The following ABCA13 variants were observed in gnomAD, a reference collection of about 807,000 sequenced individuals.
ABCA13 encodes ATP-binding cassette sub-family A member 13.
Under a neutral mutation model 478.7 loss-of-function variants are expected in ABCA13, and 476 were observed. That is an observed-to-expected ratio of 0.99 (90% confidence interval 0.92 to 1.07). ABCA13 has a LOEUF of 1.07. ABCA13 is among the 50% of genes least tolerant of loss of function. ABCA13 has a pLI of 0.00. For synonymous variants in ABCA13, 2,252 were observed against 2,158.9 expected (o/e 1.04, Z -1.20); for missense variants, 6,060 against 5,910.6 (o/e 1.03, Z -0.83).
intron 31 of ABCA13, among the ~76,000 whole-genome samples, chr7:48,357,107 C>CCACA (rs1810052113): frequency 1.3e-5 from 2 of 151,712 alleles, no homozygotes; most frequent in Admixed American, 6.6e-5. Flanking sequence ...TTTGATGTGT[C>CCACA]TTGGGCAAAG....
chr7:48,241,219 G>T (rs1213178651), intron 10 of ABCA13, among the ~76,000 whole-genome samples, 153 bp downstream of exon 10: 4 of 152,202 alleles, frequency 2.6e-5, no homozygotes, highest in Admixed American at 6.5e-5. Context: ...CTTTCATTGT[G>T]GACCATCACC....
intron 1 of ABCA13, among the ~76,000 whole-genome samples, chr7:48,173,266 TTTC>T (rs758146326): frequency 6.6e-6 from 1 of 152,346 alleles, no homozygotes; most frequent in East Asian, 1.9e-4. Flanking sequence ...CACCACAGAT[TTTC>T]TTATTTGCCG....
chr7:48,598,945 C>T (rs1790584855), intron 58 of ABCA13, among the ~76,000 whole-genome samples: 1 of 151,896 alleles, frequency 6.6e-6, no homozygotes, highest in Admixed American at 6.6e-5. Context: ...AAAAGATTAT[C>T]TTTTATCCCA....
rs566847710 is a variant in ABCA13 at position 48,493,306 on chromosome 7, T to C, written c.13291+3962T>C. Among the ~76,000 whole-genome samples the C allele has an allele frequency of 2.0e-5, 3 of 152,324 alleles. No homozygotes were observed. In the East Asian group the frequency reaches 5.8e-4, roughly 29 times the overall value. On this transcript the variant is annotated intron_variant, in intron 48 of 61. Transcript: ENST00000435803. Reference sequence around the variant, plus strand: ...TGATAATTACATTCTAAAATAAAGATAAATATGCAGCAAAATATGTACTTG... The same window carrying C: ...TGATAATTACATTCTAAAATAAAGACAAATATGCAGCAAAATATGTACTTG...
chr7:48,354,771 G>A (rs1395631314), intron 31 of ABCA13, among the ~76,000 whole-genome samples: 4 of 151,808 alleles, frequency 2.6e-5, no homozygotes, highest in Admixed American at 6.6e-5. Flanking sequence ...CTCTTGTTTC[G>A]AAGTCTCCCT....
chr7:48,524,413 T>C lies in ABCA13; in HGVS notation c.14217T>C (p.Asp4739=). The C allele has an allele frequency of 4.3e-6, 7 of 1,611,364 alleles. No individual in the cohort carries two copies. Among genetic ancestry groups the C allele is most frequent in the Non-Finnish European group, 5.9e-6 (7 of 1,178,916 alleles). ...TCCAGAATATTATTGCTGTGCAAGA[T>C]ATTAGTTTGGGCATACCAAAAGGAG... ...RFFQNIIAVQ[D]ISLGIPKGEC... is the part of the protein sequence containing the mutation. The change falls in exon 54 of 62, where the codon GAT becomes GAC. Residue 4739 remains aspartate, a synonymous_variant. Coordinates refer to ENST00000435803, the MANE Select transcript of ABCA13 (RefSeq NM_152701.5).
intron 29 of ABCA13, among the ~76,000 whole-genome samples, chr7:48,341,539 G>A (rs554797164): frequency 6.6e-6 from 1 of 152,030 alleles, no homozygotes; most frequent in South Asian, 2.1e-4. Flanking sequence ...TGAATGATAT[G>A]TGGAAATATC....
intron 55 of ABCA13, among the ~76,000 whole-genome samples, chr7:48,533,161 C>A (rs1412932472): frequency 1.3e-5 from 2 of 151,972 alleles, no homozygotes; most frequent in Non-Finnish European, 2.9e-5. Context: ...TTAGCATTGC[C>A]TTTGCTGTAT....
At chr7:48,575,925 C>T (rs918073538) in intron 55 of ABCA13, among the ~76,000 whole-genome samples, 1 of 152,140 alleles carries the variant, frequency 6.6e-6, no homozygotes, top group African/African-American at 2.4e-5. Flanking sequence ...ATGGATTCAA[C>T]TAACTGTGCC....
At chr7:48,219,883 AACACACACACACAC>A (rs3065570) in intron 4 of ABCA13, among the ~76,000 whole-genome samples, 2,350 of 126,572 alleles carry the variant, frequency 0.019, 21 homozygotes, top group African/African-American at 0.026. Flanking sequence ...ACCTTCCCCA[AACACACACACACAC>A]ACACACACAC....
intron 15 of ABCA13, among the ~76,000 whole-genome samples, chr7:48,255,962 C>T (rs1793330038): frequency 6.6e-6 from 1 of 152,130 alleles, no homozygotes; most frequent in Non-Finnish European, 1.5e-5. Context: ...CACAACCTCA[C>T]CAGCATCTGT....
intron 19 of ABCA13, among the ~76,000 whole-genome samples, chr7:48,284,070 C>T (rs147986975): frequency 9.8e-5 from 15 of 152,306 alleles, no homozygotes; most frequent in African/African-American, 3.6e-4. Flanking sequence ...CCCTGCATGC[C>T]ATTGGGAAAA....
rs1477699756 is a variant in ABCA13, at chr7:48,275,366, T to C, written c.5700T>C (p.Leu1900=). The C allele has an allele frequency of 1.2e-6, 2 of 1,613,858 alleles. No homozygotes were observed. The highest frequency in any genetic ancestry group is 1.7e-6 in the Non-Finnish European group (2 of 1,179,876). The change falls in exon 17 of 62, where the codon CTT becomes CTC. Residue 1900 remains leucine, a synonymous_variant. Transcript: ENST00000435803. ...AATTAGTGGACTGGAATTCTATTCTTCTGGAGCTCTCTGAAGTCTTCCATG... is the reference window on the plus strand; with the variant it reads ...AATTAGTGGACTGGAATTCTATTCTCCTGGAGCTCTCTGAAGTCTTCCATG... The part of the protein sequence containing the change: ...IHELVDWNSI[L]LELSEVFHVN...
chr7:48,637,395 A>AAAAAAAAAAAAAAAAAAC (rs1794745355), intron 59 of ABCA13, among the ~76,000 whole-genome samples: 1 of 148,482 alleles, frequency 6.7e-6, no homozygotes, highest in East Asian at 2.0e-4. Flanking sequence ...AAAAAAAAAA[A>AAAAAAAAAAAAAAAAAAC]AAAAAAAAAA....
intron 51 of ABCA13, 98 bp downstream of exon 51, chr7:48,511,297 C>T (rs1831662868): frequency 1.0e-6 from 1 of 995,154 alleles, no homozygotes; most frequent in African/African-American, 1.6e-5. Flanking sequence ...TCATGATTTC[C>T]TCTCTTTTGA....
intron 27 of ABCA13, among the ~76,000 whole-genome samples, chr7:48,333,303 A>G (rs757406741): frequency 5.3e-5 from 8 of 152,074 alleles, no homozygotes; most frequent in South Asian, 4.1e-4. Context: ...GTTCTTTTTT[A>G]TAATTTCTTT....
At chr7:48,357,946 A>G (rs2128997365) in intron 31 of ABCA13, among the ~76,000 whole-genome samples, 1 of 151,702 alleles carries the variant, frequency 6.6e-6, no homozygotes, top group East Asian at 2.0e-4. Flanking sequence ...ATTCGAGACC[A>G]GCCTGGCCAA....
At chr7:48,217,883 C>G (rs1786728104) in intron 3 of ABCA13, among the ~76,000 whole-genome samples, 1 of 152,132 alleles carries the variant, frequency 6.6e-6, no homozygotes, top group Non-Finnish European at 1.5e-5. Flanking sequence ...CCTAGCCTGG[C>G]AGGTCAAGCA....
intron 44 of ABCA13, among the ~76,000 whole-genome samples, chr7:48,467,313 G>T (rs1219200926): frequency 6.6e-6 from 1 of 151,810 alleles, no homozygotes; most frequent in Non-Finnish European, 1.5e-5. Flanking sequence ...ATAATTAACA[G>T]CATTCAATTT....
Sources: allele counts gnomAD v4.1 joint callset (sites outside exome capture counted in the v4.1 genomes callset), GRCh38; gene constraint gnomAD v4.1.1; transcripts MANE v1.5; gene names NCBI Gene and HGNC (gene_info 2026-07-23, HGNC 2026-07-21).